Variants in DPYSL3 observed in about 807,000 individuals in gnomAD.
DPYSL3 encodes dihydropyrimidinase-related protein 3.
Under a neutral mutation model 66.1 loss-of-function variants are expected in DPYSL3, and 16 were observed. The ratio of observed to expected loss-of-function variants is 0.24; its 90% confidence interval spans 0.16 to 0.37. DPYSL3 has a LOEUF of 0.37. DPYSL3 is among the 10% of genes least tolerant of loss of function. DPYSL3 has a pLI of 1.00. For missense variants in DPYSL3, 738 were observed against 916.2 expected (o/e 0.81, Z 2.51); for synonymous variants, 338 against 345.1 (o/e 0.98, Z 0.23).
At chr5:147,401,478 C>A (rs891059084) in intron 9 of DPYSL3, 62 bp downstream of exon 9, 3 of 1,522,218 alleles carry the variant, frequency 2.0e-6, no homozygotes, top group South Asian at 1.3e-5. Context: ...TGTCCTCAAC[C>A]CCCAGCTGGA....
At chr5:147,457,297 C>T (rs1235083620) in intron 1 of DPYSL3, among the ~76,000 whole-genome samples, 2 of 152,048 alleles carry the variant, frequency 1.3e-5, no homozygotes, top group Non-Finnish European at 2.9e-5. Context: ...GAATATTCTC[C>T]CCATCACCAG....
chr5:147,469,027 T>C (rs1157917586), intron 1 of DPYSL3, among the ~76,000 whole-genome samples: 1 of 152,210 alleles, frequency 6.6e-6, no homozygotes, highest in East Asian at 1.9e-4. Flanking sequence ...AACAGAAGAA[T>C]ATCCGAGGCA....
At chr5:147,417,171 C>A (rs1390981026) in intron 3 of DPYSL3, among the ~76,000 whole-genome samples, 2 of 152,168 alleles carry the variant, frequency 1.3e-5, no homozygotes, top group African/African-American at 4.8e-5. Context: ...TTCCCTAATG[C>A]AGATGGCCAA....
rs1328229065 is a variant in DPYSL3 at position 147,509,481 on chromosome 5, G to A, written c.378C>T (p.Asp126=). 6.6e-7 allele frequency: 1 copy of A among 1,518,706 alleles called. No homozygotes were observed. The highest frequency in any genetic ancestry group is 1.4e-5 in the African/African-American group (1 of 72,782). 94.1% of individuals were successfully genotyped at this position (1,518,706 alleles called of 1,614,324 possible). A position where few individuals can be genotyped will look rare whatever the true frequency, so the allele number is the denominator to read the frequency against. Residue 126 remains aspartate (D), a synonymous_variant, in exon 1 of 14, where the codon GAC becomes GAT. Transcript: ENST00000343218. The surrounding 1 kb of genome is among the most constrained non-coding windows in gnomAD (Gnocchi z 5.3). ...AAGTGACCCGGGGCCCCCTTACCTT[G>A]TCCTTGGGGCCGAGGTTCTGCAACA... ...KEVLQNLGPK[D]KSDRLLIKGG...
intron 1 of DPYSL3, among the ~76,000 whole-genome samples, chr5:147,505,023 C>T (rs1490278483): frequency 6.6e-6 from 1 of 152,168 alleles, no homozygotes; most frequent in African/African-American, 2.4e-5. Flanking sequence ...CTTAGAATTG[C>T]TTTTCTATGC....
chr5:147,502,818 C>T (rs1048988742), intron 1 of DPYSL3, among the ~76,000 whole-genome samples: 8 of 152,234 alleles, frequency 5.3e-5, no homozygotes, highest in Non-Finnish European at 1.2e-4. Context: ...CCTCGTCATC[C>T]GCCCGCCTTG....
chr5:147,439,607 AC>A (rs1752493221), intron 1 of DPYSL3, among the ~76,000 whole-genome samples: 1 of 152,154 alleles, frequency 6.6e-6, no homozygotes, highest in Admixed American at 6.5e-5. Context: ...TTTTTAGAGG[AC>A]CACCTGGTTA....
At chr5:147,493,635 A>G (rs1389107560) in intron 1 of DPYSL3, among the ~76,000 whole-genome samples, 1 of 152,198 alleles carries the variant, frequency 6.6e-6, no homozygotes, top group African/African-American at 2.4e-5. Context: ...GGACAGATCC[A>G]GCAGACAGAA....
chr5:147,498,296 C>G (rs570938857), intron 1 of DPYSL3, among the ~76,000 whole-genome samples: 3 of 152,236 alleles, frequency 2.0e-5, no homozygotes, highest in African/African-American at 7.2e-5. Context: ...GCATAGTATT[C>G]CATGGTGTAT....
chr5:147,439,957 G>A (rs1752501653), intron 1 of DPYSL3, among the ~76,000 whole-genome samples: 1 of 152,146 alleles, frequency 6.6e-6, no homozygotes, highest in Admixed American at 6.5e-5. Context: ...AGGCAGCTTC[G>A]ACAGAGCCAT....
At chr5:147,438,378 C>T (rs905800531) in intron 1 of DPYSL3, among the ~76,000 whole-genome samples, 1 of 152,198 alleles carries the variant, frequency 6.6e-6, no homozygotes, top group Non-Finnish European at 1.5e-5. Context: ...ACAAACGAGA[C>T]ACCACTTAAA....
chr5:147,440,134 C>G (rs1229970997), intron 1 of DPYSL3, among the ~76,000 whole-genome samples: 3 of 152,096 alleles, frequency 2.0e-5, no homozygotes, highest in African/African-American at 7.2e-5. Flanking sequence ...AACCCCGTCT[C>G]TACTAAAAAT....
chr5:147,435,364 A>G (rs1461925713), intron 1 of DPYSL3, among the ~76,000 whole-genome samples: 1 of 152,212 alleles, frequency 6.6e-6, no homozygotes, highest in African/African-American at 2.4e-5. Context: ...AGTGCTATGA[A>G]TTATATGCTA....
intron 1 of DPYSL3, among the ~76,000 whole-genome samples, chr5:147,438,211 T>C (rs978344630): frequency 7.2e-5 from 11 of 152,196 alleles, no homozygotes; most frequent in African/African-American, 2.7e-4. Flanking sequence ...TCTGCTTTCA[T>C]TGGATAGAGA....
chr5:147,456,583 T>C (rs1752857416), intron 1 of DPYSL3, among the ~76,000 whole-genome samples: 1 of 81,152 alleles, frequency 1.2e-5, no homozygotes, highest in Non-Finnish European at 2.1e-5. Flanking sequence ...CTGATTCTAT[T>C]TTTTTTTTTT....
At chr5:147,457,817 T>C (rs542556901) in intron 1 of DPYSL3, among the ~76,000 whole-genome samples, 48 of 152,294 alleles carry the variant, frequency 3.2e-4, no homozygotes, top group Non-Finnish European at 6.0e-4. Flanking sequence ...GTGGAGGGCT[T>C]GCCCTTAGCT....
At chr5:147,411,554 T>C (rs1751852959) in intron 6 of DPYSL3, among the ~76,000 whole-genome samples, 1 of 152,150 alleles carries the variant, frequency 6.6e-6, no homozygotes, top group East Asian at 1.9e-4. Context: ...ATGTATAAAA[T>C]AGGGAGGATG....
At chr5:147,414,433 T>A (rs1321132441) in intron 4 of DPYSL3, among the ~76,000 whole-genome samples, 1 of 152,182 alleles carries the variant, frequency 6.6e-6, no homozygotes, top group Non-Finnish European at 1.5e-5. Context: ...GAACTGAGAA[T>A]CATTTTGAGG....
chr5:147,498,108 C>T (rs139368228), intron 1 of DPYSL3, among the ~76,000 whole-genome samples: 1,738 of 152,206 alleles, frequency 0.011, 66 homozygotes, highest in East Asian at 0.087. Flanking sequence ...CTCCAATAGG[C>T]CCCAGTGTGT....
Sources: gnomAD v4.1 joint callset for allele counts (sites outside exome capture counted in the v4.1 genomes callset) on GRCh38, gnomAD v4.1.1 for gene constraint, Gnocchi (gnomAD v3.1) non-coding constraint, MANE v1.5 for transcripts, NCBI Gene and HGNC (gene_info 2026-07-23, HGNC 2026-07-21) for gene names.